FAM177A1: variants seen among roughly 807,000 people sequenced by gnomAD.
The protein encoded by FAM177A1 is protein FAM177A1.
In FAM177A1, 22 loss-of-function variants were observed where a neutral mutation model predicts 26.1. The ratio of observed to expected loss-of-function variants is 0.84; its 90% CI spans 0.60 to 1.20. The LOEUF (loss-of-function observed/expected upper bound fraction) is 1.20. FAM177A1 is among the 50% of genes most tolerant of loss of function. The pLI, the probability that FAM177A1 is intolerant of heterozygous loss-of-function variation, is 0.00. For synonymous variants in FAM177A1, 95 were observed against 99.3 expected (o/e 0.96, Z 0.26); for missense variants, 296 against 291.1 (o/e 1.02, Z -0.12).
At chr14:35,076,759 T>G (rs1243591478) in intron 2 of FAM177A1, among the ~76,000 whole-genome samples, 1 of 152,172 alleles carries the variant, frequency 6.6e-6, no homozygotes, top group Non-Finnish European at 1.5e-5. Flanking sequence ...GATGGCATCC[T>G]TAAGTTTCTT....
chr14:35,069,197 A>T (rs1210419390), intron 2 of FAM177A1, among the ~76,000 whole-genome samples: 1 of 152,132 alleles, frequency 6.6e-6, no homozygotes, highest in East Asian at 1.9e-4. Context: ...TGTATAGCTA[A>T]ATCTCACCAT....
At chr14:35,074,225 A>G (rs891897979) in intron 2 of FAM177A1, among the ~76,000 whole-genome samples, 2 of 152,030 alleles carry the variant, frequency 1.3e-5, no homozygotes, top group African/African-American at 4.8e-5. Flanking sequence ...GCTCACTGCA[A>G]CCTCCGCCTC....
intron 2 of FAM177A1, among the ~76,000 whole-genome samples, chr14:35,065,604 C>T (rs2045229763): frequency 6.6e-6 from 1 of 151,692 alleles, no homozygotes; most frequent in African/African-American, 2.4e-5. Flanking sequence ...GTGTTACCTG[C>T]TATGCATTTC....
At position 35,080,271 on chromosome 14, in the gene FAM177A1, G is replaced by A. The variant is rs560858188; in HGVS notation, c.505-751G>A. The stretch of plus-strand genomic sequence containing the variant: ...TAAGTTGTAAACTTCTTGAGGGTAG[G>A]TGCTGCCTTATCTATGTATTTGATG... On this transcript the variant is annotated intron_variant, in intron 4 of 4. Transcript: ENST00000280987. Among the ~76,000 whole-genome samples, 5 of 152,232 alleles carry A rather than the reference G, an allele frequency of 3.3e-5. No individual in the cohort carries two copies. In the South Asian group the frequency reaches 1.0e-3, roughly 32 times the overall value.
At chr14:35,062,823 T>A in intron 2 of FAM177A1, among the ~76,000 whole-genome samples, 1 of 146,368 alleles carries the variant, frequency 6.8e-6, no homozygotes, top group African/African-American at 2.5e-5. Flanking sequence ...GAAAAATATA[T>A]GGTAGTATTA....
Position 35,046,608 on chromosome 14 carries a change from T to G in FAM177A1, c.145T>G (p.Phe49Val). 6.5e-7 allele frequency: 1 copy of G among 1,549,464 alleles called. No individual in the cohort carries two copies. The highest frequency in any genetic ancestry group is 1.8e-4 in the Middle Eastern group (1 of 5,686). The change falls in exon 1 of 5, where the codon TTC (phenylalanine) becomes GTC (valine). Residue 49 changes from phenylalanine to valine, a missense_variant. Phe to Val is a conservative substitution (Grantham distance 50, BLOSUM62 -1). Coordinates refer to ENST00000280987, the MANE Select transcript of FAM177A1 (RefSeq NM_173607.5). ...CTCGGGAGCTGCGGCCGCCGCGGCA[T>G]TCGGGGAATCTGCAGGGCAGGTAGG... ...AASGAAAAAA[F>V]GESAGQMSNE...
intron 2 of FAM177A1, among the ~76,000 whole-genome samples, chr14:35,056,327 G>A (rs112594352): frequency 0.061 from 9,208 of 151,666 alleles, 360 homozygotes; most frequent in Middle Eastern, 0.1. Context: ...GAGCCACTGC[G>A]CCCAGGCAAC....
intron 4 of FAM177A1, 39 bp from the exon 5 acceptor site, chr14:35,080,982 TC>T: frequency 6.5e-7 from 1 of 1,547,944 alleles, no homozygotes; most frequent in Non-Finnish European, 8.7e-7. Flanking sequence ...TTTTGGACTT[TC>T]GTATTTCAAC....
At chr14:35,049,766 CAG>C (rs1323303343) in intron 1 of FAM177A1, among the ~76,000 whole-genome samples, 1 of 151,972 alleles carries the variant, frequency 6.6e-6, no homozygotes, top group African/African-American at 2.4e-5. Context: ...GCCTGGATGA[CAG>C]AGCAAGACTC....
rs183027217 is a variant in FAM177A1, at chr14:35,047,117, A to G, written c.165+489A>G. 164 of 580,650 alleles carry G rather than the reference A, an allele frequency of 2.8e-4. No homozygotes were observed. In the African/African-American group the frequency reaches 3.2e-3, roughly 11 times the overall value. 36.0% of individuals were successfully genotyped at this position (580,650 alleles called of 1,614,324 possible). A position where few individuals can be genotyped will look rare whatever the true frequency, so the allele number is the denominator to read the frequency against. On this transcript the variant is annotated intron_variant, in intron 1 of 4. Transcript: ENST00000280987. ...TTAGCCCCATTTCACCGCCGAGGCA[A>G]CTAAGGCTCCGAGCTGCGCTGTCCA...
At chr14:35,071,673 A>G (rs1318914983) in intron 2 of FAM177A1, among the ~76,000 whole-genome samples, 5 of 152,228 alleles carry the variant, frequency 3.3e-5, no homozygotes, top group South Asian at 2.1e-4. Flanking sequence ...GCTCTGGAGC[A>G]GATTTGATTC....
At chr14:35,076,907 G>A (rs1305242317) in intron 2 of FAM177A1, among the ~76,000 whole-genome samples, 2 of 152,162 alleles carry the variant, frequency 1.3e-5, no homozygotes, top group Non-Finnish European at 2.9e-5. Flanking sequence ...CCATTTCAGC[G>A]GCTGCATCTT....
chr14:35,080,333 TA>T (rs2045461128), intron 4 of FAM177A1, among the ~76,000 whole-genome samples: 1 of 152,228 alleles, frequency 6.6e-6, no homozygotes, highest in East Asian at 1.9e-4. Flanking sequence ...TATCATGTAG[TA>T]AATGAACCAA....
At position 35,055,441 on chromosome 14, in the gene FAM177A1, G is replaced by GT. The variant is rs770110194; in HGVS notation, c.339+2006dup. Among the ~76,000 whole-genome samples the GT allele has an allele frequency of 9.9e-3, 1,350 of 136,698 alleles. 5 individuals are homozygous for GT. Among genetic ancestry groups the GT allele is most frequent in the African/African-American group, 0.01 (392 of 37,514 alleles). 89.7% of individuals were successfully genotyped at this position (136,698 alleles called of 152,430 possible). Reference sequence around the variant, plus strand: ...AGAATTGCTGGGTCATGCAATAACTGTTTTTTTTTTTTTTTTGAGACAGGG... The same window carrying GT: ...AGAATTGCTGGGTCATGCAATAACTGTTTTTTTTTTTTTTTTTGAGACAGGG... On this transcript the variant is annotated intron_variant, in intron 2 of 4. Transcript: ENST00000280987.
intron 3 of FAM177A1, among the ~76,000 whole-genome samples, chr14:35,077,970 A>G (rs978117744): frequency 1.3e-5 from 2 of 152,220 alleles, no homozygotes; most frequent in Non-Finnish European, 2.9e-5. Context: ...AAGGAAATGA[A>G]TTATCAACTT....
chr14:35,068,929 C>T (rs799491), intron 2 of FAM177A1, among the ~76,000 whole-genome samples: 13,756 of 152,234 alleles, frequency 0.09, 845 homozygotes, highest in Non-Finnish European at 0.14. Flanking sequence ...AAACCCACTT[C>T]CATAATAATG....
chr14:35,079,859 T>C (rs574769525), intron 4 of FAM177A1, among the ~76,000 whole-genome samples: 1 of 152,214 alleles, frequency 6.6e-6, no homozygotes, highest in African/African-American at 2.4e-5. Flanking sequence ...GGCAAAAATA[T>C]AATAGTTTAT....
intron 1 of FAM177A1, among the ~76,000 whole-genome samples, chr14:35,051,388 A>G (rs1214147224): frequency 2.0e-5 from 3 of 151,908 alleles, no homozygotes; most frequent in African/African-American, 7.3e-5. Context: ...AATTGCTGCC[A>G]TTATAGGCCT....
chr14:35,063,570 C>T (rs1051148790), intron 2 of FAM177A1, among the ~76,000 whole-genome samples: 1 of 151,856 alleles, frequency 6.6e-6, no homozygotes, highest in Non-Finnish European at 1.5e-5. Context: ...AAGAGTGAAA[C>T]GCCATCTCAA....
Sources: allele counts gnomAD v4.1 joint callset (sites outside exome capture counted in the v4.1 genomes callset), GRCh38; gene constraint gnomAD v4.1.1; transcripts MANE v1.5; gene names NCBI Gene and HGNC (gene_info 2026-07-23, HGNC 2026-07-21).